UNC13A: variants seen among roughly 807,000 people sequenced by gnomAD.
UNC13A encodes the protein unc-13 homolog A.
Under a neutral mutation model 219.7 loss-of-function variants are expected in UNC13A, and 61 were observed. That is an observed-to-expected ratio of 0.28 (90% CI 0.23 to 0.34). The LOEUF is 0.34. Among genes scored for constraint, UNC13A ranks in the 10% least tolerant of loss-of-function variants. The pLI, the probability that UNC13A is intolerant of heterozygous loss-of-function variation, is 1.00. For synonymous variants in UNC13A, 920 were observed against 884.6 expected, an observed-to-expected ratio of 1.04 and a Z score of -0.71; for missense variants, 1,476 against 2,270.3, an observed-to-expected ratio of 0.65 and a Z score of 7.11.
intron 23 of UNC13A, 64 bp downstream of exon 23, chr19:17,639,776 G>C: frequency 1.9e-6 from 3 of 1,579,512 alleles, no homozygotes; most frequent in Non-Finnish European, 2.6e-6. Context: ...CCTGCTGGTA[G>C]CTTTCCCCTC....
intron 15 of UNC13A, 51 bp from the exon 16 acceptor site, chr19:17,648,701 C>T (rs1017684756): frequency 1.3e-6 from 2 of 1,572,488 alleles, no homozygotes; most frequent in East Asian, 4.5e-5. Flanking sequence ...TGGCGCTGTC[C>T]CTGTCCTGCC....
intron 17 of UNC13A, among the ~76,000 whole-genome samples, chr19:17,646,812 A>G (rs1252334976): frequency 6.6e-6 from 1 of 152,126 alleles, no homozygotes; most frequent in East Asian, 1.9e-4. Flanking sequence ...GTGTGGAGAA[A>G]AGCCAGTATC....
Position 17,656,994 on chromosome 19 carries a change from A to G in UNC13A, c.768-596T>C, listed in dbSNP as rs116333914. On this transcript the variant is annotated intron_variant, in intron 9 of 43. Coordinates refer to ENST00000519716, the MANE Select transcript of UNC13A (RefSeq NM_001080421.3). ...CAGGTCTCCTGTCCTCCACCTGGAA[A>G]AAGTATGGGAAATGCATCCACTTCC... 4.0e-3 allele frequency among the ~76,000 whole-genome samples: 604 copies of G among 152,256 alleles called. 4 individuals carry two copies. Among genetic ancestry groups the G allele is most frequent in the African/African-American group, 0.014 (585 of 41,544 alleles).
Position 17,674,437 on chromosome 19 carries a change from G to A in UNC13A, c.152+220C>T, listed in dbSNP as rs1201884422. Among the ~76,000 whole-genome samples the A allele has an allele frequency of 2.0e-5, 3 of 152,194 alleles. No homozygotes were observed. The highest frequency in any genetic ancestry group is 7.2e-5 in the African/African-American group (3 of 41,462). ...GATGGCACAGGAGGCCAGGGCGGAG[G>A]CTGGCGGGCAGCAGGGACTTGGCTG... On this transcript the variant is annotated intron_variant, in intron 3 of 43. Transcript: ENST00000519716. The surrounding 1 kb of genome is among the most constrained non-coding windows in gnomAD (Gnocchi z 5.0).
At position 17,639,095 on chromosome 19, in the gene UNC13A, G is replaced by A. The variant is rs1446890141; in HGVS notation, c.3069C>T (p.Tyr1023=). 5 of 1,599,532 alleles carry A rather than the reference G, an allele frequency of 3.1e-6. No homozygotes were observed. The South Asian group carries it at 5.6e-5, about 18-fold the overall frequency. Residue 1023 remains tyrosine (Y), a synonymous_variant, in exon 25 of 44, where the codon TAC becomes TAT. Coordinates refer to ENST00000519716, the MANE Select transcript of UNC13A (RefSeq NM_001080421.3). The part of the protein sequence containing the change: ...NNCHELYSRE[Y]QTDPAKKGEV... Reference sequence around the variant, plus strand: ...TCTGGAGTCTCACCGGGTCTGTCTGGTACTCCCGGCTGTACAGTTCATGGC... The same window carrying A: ...TCTGGAGTCTCACCGGGTCTGTCTGATACTCCCGGCTGTACAGTTCATGGC...
chr19:17,668,084 G>C (rs2079695325), intron 6 of UNC13A, 33 bp downstream of exon 6: 1 of 1,605,460 alleles, frequency 6.2e-7, no homozygotes, highest in African/African-American at 1.3e-5. Flanking sequence ...CAGAAACAAG[G>C]AAGAAACAGT....
At chr19:17,660,998 G>A (rs1427080248) in intron 8 of UNC13A, among the ~76,000 whole-genome samples, 2 of 151,804 alleles carry the variant, frequency 1.3e-5, no homozygotes, top group African/African-American at 4.8e-5. Context: ...AAGTCTAGTA[G>A]CACAATCATG....
intron 29 of UNC13A, 87 bp from the exon 30 acceptor site, chr19:17,630,375 G>A: frequency 6.6e-7 from 1 of 1,515,174 alleles, no homozygotes. Flanking sequence ...CACGGGGAGA[G>A]CCAGAGACCA....
In UNC13A at chr19:17,643,670, G is replaced by A. The variant is rs1599368959; in HGVS notation, c.2357-710C>T. Among the ~76,000 whole-genome samples, 3 of 152,218 alleles carry A rather than the reference G, an allele frequency of 2.0e-5. No individual in the cohort carries two copies. In the Middle Eastern group the frequency reaches 0.01, roughly 518 times the overall value. On this transcript the variant is annotated intron_variant, in intron 19 of 43. Coordinates refer to ENST00000519716, the MANE Select transcript of UNC13A (RefSeq NM_001080421.3). ...GTCTCTCTTCTGATTGGCTCCCTAG[G>A]CTTGAGTCTCCCTGTTTAGGCTAGA...
intron 34 of UNC13A, chr19:17,626,229 C>G (rs2076782500): frequency 6.3e-6 from 1 of 159,038 alleles, no homozygotes; most frequent in Non-Finnish European, 1.4e-5. Context: ...GCCTGCCAGA[C>G]ATCCATCCAT....
chr19:17,610,132 G>T (rs2076586578), intron 42 of UNC13A, 33 bp from the exon 43 acceptor site: 1 of 1,611,308 alleles, frequency 6.2e-7, no homozygotes, highest in Non-Finnish European at 8.5e-7. Flanking sequence ...AGACAGGTCA[G>T]GTTCTCCCAG....
At chr19:17,646,644 G>GC (rs1380645413) in intron 17 of UNC13A, among the ~76,000 whole-genome samples, 8 of 151,972 alleles carry the variant, frequency 5.3e-5, no homozygotes, top group East Asian at 1.9e-4. Context: ...AGAACCCATT[G>GC]CCCCCCGAGA....
At chr19:17,644,409 G>C (rs961814133) in intron 19 of UNC13A, among the ~76,000 whole-genome samples, 1 of 150,568 alleles carries the variant, frequency 6.6e-6, no homozygotes, top group African/African-American at 2.4e-5. Flanking sequence ...GGCTGGTCTC[G>C]AACTCCTGGG....
intron 7 of UNC13A, 42 bp from the exon 8 acceptor site, chr19:17,663,609 G>A: frequency 8.2e-6 from 13 of 1,581,672 alleles, no homozygotes; most frequent in African/African-American, 1.3e-5. Context: ...GGAGCAGACA[G>A]AGGGGTGGGT....
At chr19:17,631,222 T>TCCCTCCCTCC (rs59519256) in intron 28 of UNC13A, among the ~76,000 whole-genome samples, 1 of 32,334 alleles carries the variant, frequency 3.1e-5, no homozygotes, top group Non-Finnish European at 7.0e-5. Flanking sequence ...CTTCCTTCCT[T>TCCCTCCCTCC]CTTCCTTCCT....
intron 7 of UNC13A, among the ~76,000 whole-genome samples, chr19:17,666,199 T>TCTCTCTCTCTCTCTCTCTCTCTTTCTTTC (rs760106069): frequency 6.9e-6 from 1 of 144,060 alleles, no homozygotes; most frequent in Non-Finnish European, 1.5e-5. Flanking sequence ...CTTTCTCTCT[T>TCTCTCTCTCTCTCTCTCTCTCTTTCTTTC]TCTTTCTCTT....
rs984904005 is a variant in UNC13A at position 17,657,968 on chromosome 19, ACTCCAC to A, written c.767+88_767+93del. 4 of 1,330,230 alleles carry A rather than the reference ACTCCAC, an allele frequency of 3.0e-6. No homozygotes were observed. The African/African-American group carries it at 5.9e-5, about 20-fold the overall frequency. 82.4% of individuals were successfully genotyped at this position (1,330,230 alleles called of 1,614,324 possible). On this transcript the variant is annotated intron_variant, in intron 9 of 43. Transcript: ENST00000519716. Reference sequence around the variant, plus strand: ...GATGGGTGAATTCTGCCCTTCTGGAACTCCACCTCCAGCTCTGTCCAGCCCCGTACC... The same window carrying A: ...GATGGGTGAATTCTGCCCTTCTGGAACTCCAGCTCTGTCCAGCCCCGTACC...
In UNC13A at chr19:17,618,405, G is replaced by A. The variant is rs1319967779; in HGVS notation, c.4410+16C>T. On this transcript the variant is annotated intron_variant, in intron 40 of 43. Transcript: ENST00000519716. ...TACATCCCCCACCTGGGATGGGGAG[G>A]GGTAGGGCCTCTCACCTTGATGGTG... 1 of 1,567,304 alleles carries A rather than the reference G, an allele frequency of 6.4e-7. No individual in the cohort carries two copies. The highest frequency in any genetic ancestry group is 8.7e-7 in the Non-Finnish European group (1 of 1,156,026).
chr19:17,681,124 G>A (rs2080010049), intron 1 of UNC13A, among the ~76,000 whole-genome samples: 2 of 137,456 alleles, frequency 1.5e-5, no homozygotes, highest in Non-Finnish European at 3.0e-5. Flanking sequence ...TGCTATGGCT[G>A]GCTTCAAGGC....
Sources: gnomAD v4.1 joint callset for allele counts (sites outside exome capture counted in the v4.1 genomes callset) on GRCh38, gnomAD v4.1.1 for gene constraint, Gnocchi (gnomAD v3.1) non-coding constraint, MANE v1.5 for transcripts, NCBI Gene and HGNC (gene_info 2026-07-23, HGNC 2026-07-21) for gene names.